WASL: variants seen among roughly 807,000 people sequenced by gnomAD.
WASL encodes WASP like actin nucleation promoting factor, also known as actin nucleation-promoting factor WASL.
A neutral mutation model predicts 55.5 loss-of-function variants in WASL; 20 were observed. That is an observed-to-expected ratio of 0.36 (90% CI 0.25 to 0.52). The LOEUF (loss-of-function observed/expected upper bound fraction) is 0.52. WASL is among the 20% of genes least tolerant of loss of function. The pLI is 0.92. For synonymous variants in WASL, 249 were observed against 217.6 expected, an observed-to-expected ratio of 1.14 and a Z score of -1.27; for missense variants, 504 against 622.5, an observed-to-expected ratio of 0.81 and a Z score of 2.03.
Position 123,706,321 on chromosome 7 carries a change from C to G in WASL, c.392G>C (p.Arg131Pro). ...GCCCAAAAGGTCTGTAACTGCTTTT[C>G]GAAATTTTTTTGCTTCTTCTTCATT... ...FANEEEAKKFRKAVTDLLGRR... is the reference protein window; with the variant it reads ...FANEEEAKKFPKAVTDLLGRR... Residue 131 changes from arginine to proline, a missense_variant, in exon 4 of 11, where the codon CGA (arginine) becomes CCA (proline). By Grantham distance (103) the Arg-to-Pro change is moderately radical. Coordinates refer to ENST00000223023, the MANE Select transcript of WASL (RefSeq NM_003941.4). 6.2e-7 allele frequency: 1 copy of G among 1,613,454 alleles called. No individual in the cohort carries two copies. The highest frequency in any genetic ancestry group is 8.5e-7 in the Non-Finnish European group (1 of 1,179,730).
chr7:123,685,338 T>A (rs1803269177), intron 10 of WASL, among the ~76,000 whole-genome samples: 1 of 151,980 alleles, frequency 6.6e-6, no homozygotes, highest in Admixed American at 6.6e-5. Flanking sequence ...CCCAAACTTC[T>A]CTCATATGTA....
chr7:123,695,797 C>G (rs145640034), intron 7 of WASL, 26 bp downstream of exon 7: 1 of 1,608,260 alleles, frequency 6.2e-7, no homozygotes, highest in Admixed American at 1.7e-5. Flanking sequence ...ACAGTTATAA[C>G]GTATATGATT....
intron 5 of WASL, among the ~76,000 whole-genome samples, chr7:123,701,520 TAAAG>T (rs1803589678): frequency 6.6e-6 from 1 of 152,168 alleles, no homozygotes; most frequent in Non-Finnish European, 1.5e-5. Context: ...GACTGACCAA[TAAAG>T]AAATTAGGAG....
At chr7:123,731,326 T>C (rs1316203714) in intron 1 of WASL, among the ~76,000 whole-genome samples, 1 of 152,140 alleles carries the variant, frequency 6.6e-6, no homozygotes, top group African/African-American at 2.4e-5. Context: ...AAAGCCCACA[T>C]AACTACAAGG....
At chr7:123,688,484 C>T (rs571444864) in intron 10 of WASL, among the ~76,000 whole-genome samples, 2 of 152,250 alleles carry the variant, frequency 1.3e-5, no homozygotes, top group Admixed American at 6.5e-5. Flanking sequence ...CCTCAGCCTC[C>T]CGAGTAGCTG....
chr7:123,689,036 CT>C lies in WASL; in HGVS notation c.1456+5del. 1.3e-6 allele frequency: 2 copies of C among 1,549,242 alleles called. No homozygotes were observed. The highest frequency in any genetic ancestry group is 1.8e-6 in the Non-Finnish European group (2 of 1,125,582). On this transcript the variant is annotated splice_donor_5th_base_variant and intron_variant, in intron 10 of 10. Transcript: ENST00000223023. Reference sequence around the variant, plus strand: ...TCTCTCTCTCTCTCTCTCTCTCTCTCTCTACCTGAAGAATGAATGGCTTTGC... The same window carrying C: ...TCTCTCTCTCTCTCTCTCTCTCTCTCCTACCTGAAGAATGAATGGCTTTGC...
intron 1 of WASL, among the ~76,000 whole-genome samples, chr7:123,740,934 C>T (rs1050551293): frequency 6.6e-6 from 1 of 152,170 alleles, no homozygotes; most frequent in African/African-American, 2.4e-5. Context: ...GCTGGGGTCA[C>T]TGTCTGTGTG....
intron 1 of WASL, among the ~76,000 whole-genome samples, chr7:123,737,901 A>G: frequency 6.6e-6 from 1 of 152,206 alleles, no homozygotes. Context: ...GTACTTGTCA[A>G]AAGATAAATG....
chr7:123,689,777 A>C (rs1249029801), intron 9 of WASL, among the ~76,000 whole-genome samples: 1 of 126,426 alleles, frequency 7.9e-6, no homozygotes, highest in Non-Finnish European at 1.7e-5. Context: ...GCCAAAGTGC[A>C]TTCATGAAAA....
At chr7:123,724,023 A>T (rs1374701666) in intron 1 of WASL, among the ~76,000 whole-genome samples, 1 of 152,164 alleles carries the variant, frequency 6.6e-6, no homozygotes, top group Admixed American at 6.5e-5. Context: ...TATAAGCGAG[A>T]TCTCAAATTT....
intron 1 of WASL, among the ~76,000 whole-genome samples, chr7:123,730,894 G>A (rs558736895): frequency 4.6e-5 from 7 of 152,162 alleles, no homozygotes; most frequent in East Asian, 3.9e-4. Context: ...GGTAATTGTC[G>A]CCCAGGTAAT....
chr7:123,701,264 A>C (rs938553047), intron 5 of WASL, among the ~76,000 whole-genome samples: 1 of 152,218 alleles, frequency 6.6e-6, no homozygotes, highest in African/African-American at 2.4e-5. Flanking sequence ...TAAAAAACAA[A>C]TGACAAATTA....
chr7:123,683,835 A>G lies in WASL; in HGVS notation c.*684T>C, dbSNP rs929546056. 2.0e-5 allele frequency: 3 copies of G among 152,016 alleles called. No homozygotes were observed. Among genetic ancestry groups the G allele is most frequent in the Non-Finnish European group, 4.4e-5 (3 of 67,922 alleles). 9.4% of individuals were successfully genotyped at this position (152,016 alleles called of 1,614,324 possible). A position where few individuals can be genotyped will look rare whatever the true frequency, so the allele number is the denominator to read the frequency against. The stretch of plus-strand genomic sequence containing the variant: ...TACAGCATAAAAATAACCCCAGTCA[A>G]TAACAAGTATTTAAGGGCTCCTTAT... On this transcript the variant is annotated 3_prime_UTR_variant, in exon 11 of 11. Coordinates refer to ENST00000223023, the MANE Select transcript of WASL (RefSeq NM_003941.4).
Position 123,683,441 on chromosome 7 carries a change from T to C in WASL, c.*1078A>G, listed in dbSNP as rs1278382047. 1 of 151,998 alleles carries C rather than the reference T, an allele frequency of 6.6e-6. No individual in the cohort carries two copies. The highest frequency in any genetic ancestry group is 1.5e-5 in the Non-Finnish European group (1 of 67,934). The allele number at this position is 151,998 out of a possible 1,614,324, so 9.4% of individuals were successfully genotyped here. On this transcript the variant is annotated 3_prime_UTR_variant, in exon 11 of 11. Coordinates refer to ENST00000223023, the MANE Select transcript of WASL (RefSeq NM_003941.4). ...TCTGACATTGGGACCACCAATCTTT[T>C]AAGAAAAATGTAACTCTTCACATGC...
intron 4 of WASL, 79 bp downstream of exon 4, chr7:123,706,198 C>CA (rs1244215304): frequency 1.1e-5 from 15 of 1,343,946 alleles, no homozygotes; most frequent in Middle Eastern, 3.7e-4. Flanking sequence ...CTTTTATTTA[C>CA]AAAAAACAGG....
chr7:123,693,274 G>C (rs1803442269), intron 8 of WASL, among the ~76,000 whole-genome samples: 1 of 151,998 alleles, frequency 6.6e-6, no homozygotes, highest in Admixed American at 6.5e-5. Flanking sequence ...AAAGAATCAA[G>C]TACACTTATT....
chr7:123,694,532 T>TA (rs146520627), intron 8 of WASL, among the ~76,000 whole-genome samples, 183 bp downstream of exon 8: 1 of 152,174 alleles, frequency 6.6e-6, no homozygotes, highest in African/African-American at 2.4e-5. Flanking sequence ...CAAAACCTTG[T>TA]AAAGTTTTTT....
chr7:123,708,963 C>G (rs922563867), intron 2 of WASL, 126 bp downstream of exon 2: 15 of 916,276 alleles, frequency 1.6e-5, no homozygotes, highest in Non-Finnish European at 2.2e-5. Context: ...CCAAGCTTCA[C>G]TCTTCTAATA....
rs1426803030 is a variant in WASL at position 123,747,791 on chromosome 7, T to A, written c.117+827A>T. On this transcript the variant is annotated intron_variant, in intron 1 of 10. Coordinates refer to ENST00000223023, the MANE Select transcript of WASL (RefSeq NM_003941.4). ...GCCAGCAGCCAATGTAATGAATGCT[T>A]CCGTCAACAACACACATTCCCCTTC... 2.6e-5 allele frequency among the ~76,000 whole-genome samples: 4 copies of A among 152,252 alleles called. No homozygotes were observed. The East Asian group carries it at 7.7e-4, about 29-fold the overall frequency.
Sources: allele counts gnomAD v4.1 joint callset (sites outside exome capture counted in the v4.1 genomes callset), GRCh38; gene constraint gnomAD v4.1.1; transcripts MANE v1.5; gene names NCBI Gene and HGNC (gene_info 2026-07-23, HGNC 2026-07-21).